The following CEP170 variants were observed in gnomAD, a reference collection of about 807,000 sequenced individuals.
CEP170 encodes centrosomal protein of 170 kDa.
CEP170 carries 21 observed loss-of-function variants against 151.9 expected under a neutral mutation model. That is an observed-to-expected ratio of 0.14 (90% CI 0.10 to 0.20). CEP170 has a LOEUF of 0.20. Among genes scored for constraint, CEP170 ranks in the 10% least tolerant of loss-of-function variants. CEP170 has a pLI of 1.00. For synonymous variants in CEP170, 356 were observed against 648.8 expected, an observed-to-expected ratio of 0.55 and a Z score of 6.86; for missense variants, 964 against 1,892.9, an observed-to-expected ratio of 0.51 and a Z score of 9.11.
At chr1:243,153,299 A>T (rs1016694622) in intron 14 of CEP170, among the ~76,000 whole-genome samples, 1 of 152,202 alleles carries the variant, frequency 6.6e-6, no homozygotes, top group Non-Finnish European at 1.5e-5. Flanking sequence ...AGATGACAAC[A>T]AAGGATTCAG....
At chr1:243,191,794 C>G (rs1464799942) in intron 7 of CEP170, among the ~76,000 whole-genome samples, 1 of 152,012 alleles carries the variant, frequency 6.6e-6, no homozygotes, top group African/African-American at 2.4e-5. Context: ...CAACCTGGAT[C>G]TAGAATTCAT....
intron 4 of CEP170, among the ~76,000 whole-genome samples, chr1:243,208,895 A>G (rs2061590821): frequency 6.6e-6 from 1 of 151,870 alleles, no homozygotes; most frequent in Non-Finnish European, 1.5e-5. Flanking sequence ...TATGCCTGGC[A>G]CATAGGAGAC....
At chr1:243,193,653 A>C (rs1319776383) in intron 7 of CEP170, among the ~76,000 whole-genome samples, 1 of 152,074 alleles carries the variant, frequency 6.6e-6, no homozygotes, top group Non-Finnish European at 1.5e-5. Flanking sequence ...CAAGTTAATA[A>C]CTAATTCATC....
rs774088718 is a variant in CEP170, at chr1:243,156,437, C to T, written c.3695G>A (p.Arg1232His). The change falls in exon 14 of 20, where the codon CGC (arginine) becomes CAC (histidine). Residue 1232 changes from arginine to histidine, a missense_variant. Transcript: ENST00000366542. Reference sequence around the variant, plus strand: ...GGTGGAAGCATAATCAGTAGGAAAGCGCCTCCATCTTGAATTTACTAAATT... The same window carrying T: ...GGTGGAAGCATAATCAGTAGGAAAGTGCCTCCATCTTGAATTTACTAAATT... ...GSASVNSRWR[R>H]FPTDYASTSE... 1.7e-5 allele frequency: 26 copies of T among 1,544,872 alleles called. No homozygotes were observed. Among genetic ancestry groups the T allele is most frequent in the African/African-American group, 2.8e-5 (2 of 72,344 alleles).
chr1:243,194,287 G>A (rs534802875), intron 7 of CEP170, among the ~76,000 whole-genome samples: 1 of 151,796 alleles, frequency 6.6e-6, no homozygotes, highest in Admixed American at 6.6e-5. Context: ...AGTCTCCTGA[G>A]GACATTACTG....
At chr1:243,225,943 A>G (rs1004453388) in intron 1 of CEP170, among the ~76,000 whole-genome samples, 3 of 150,288 alleles carry the variant, frequency 2.0e-5, no homozygotes, top group Non-Finnish European at 4.4e-5. Flanking sequence ...AACTCCAAAG[A>G]GCATTTGTTT....
chr1:243,246,745 C>T (rs2065442088), intron 1 of CEP170, among the ~76,000 whole-genome samples: 1 of 151,986 alleles, frequency 6.6e-6, no homozygotes, highest in African/African-American at 2.4e-5. Flanking sequence ...GGTAGAAAAT[C>T]TTGTTTTCTA....
chr1:243,173,544 T>A (rs1447133483), intron 10 of CEP170, among the ~76,000 whole-genome samples: 1 of 151,602 alleles, frequency 6.6e-6, no homozygotes, highest in Non-Finnish European at 1.5e-5. Flanking sequence ...CGGACCAGCC[T>A]GGCCAACATG....
chr1:243,233,182 G>A (rs2063912987), intron 1 of CEP170, among the ~76,000 whole-genome samples: 1 of 152,162 alleles, frequency 6.6e-6, no homozygotes, highest in South Asian at 2.1e-4. Context: ...GGTGTCAGAT[G>A]GATGTGAACA....
intron 8 of CEP170, among the ~76,000 whole-genome samples, chr1:243,188,617 C>T (rs1417224024): frequency 6.6e-6 from 1 of 152,124 alleles, no homozygotes; most frequent in Non-Finnish European, 1.5e-5. Flanking sequence ...TGTAACAAGT[C>T]AGTGGTGTGG....
At chr1:243,241,343 A>T (rs1305436869) in intron 1 of CEP170, among the ~76,000 whole-genome samples, 1 of 152,260 alleles carries the variant, frequency 6.6e-6, no homozygotes, top group African/African-American at 2.4e-5. Context: ...TGTTAACGAC[A>T]TCCCTTTCTT....
At chr1:243,205,837 G>T (rs907416654) in intron 4 of CEP170, among the ~76,000 whole-genome samples, 4 of 151,664 alleles carry the variant, frequency 2.6e-5, no homozygotes, top group Non-Finnish European at 4.4e-5. Flanking sequence ...ATAAATAATG[G>T]AGATTTTTTC....
intron 14 of CEP170, among the ~76,000 whole-genome samples, chr1:243,143,503 GT>G (rs1051115800): frequency 1.3e-5 from 2 of 152,056 alleles, no homozygotes; most frequent in Admixed American, 6.6e-5. Context: ...TTCTTTTAGA[GT>G]TTTTTTTAAG....
At chr1:243,219,663 A>G (rs1400743537) in intron 3 of CEP170, among the ~76,000 whole-genome samples, 1 of 152,246 alleles carries the variant, frequency 6.6e-6, no homozygotes, top group Non-Finnish European at 1.5e-5. Flanking sequence ...CATACAGACT[A>G]CCACTGTTCA....
Position 243,241,788 on chromosome 1 carries a change from T to A in CEP170, c.-42+13252A>T, listed in dbSNP as rs560437709. ...CTGGACAACATAGTGAGACTCCCTC[T>A]CATTAAAAAAAAAAAAAAAGTATAC... On this transcript the variant is annotated intron_variant, in intron 1 of 19. Coordinates refer to ENST00000366542, the MANE Select transcript of CEP170 (RefSeq NM_014812.3). 2.0e-4 allele frequency among the ~76,000 whole-genome samples: 26 copies of A among 128,182 alleles called. No individual in the cohort carries two copies. The East Asian group carries it at 5.7e-3, about 28-fold the overall frequency. The allele number at this position is 128,182 out of a possible 152,430, so 84.1% of individuals were successfully genotyped here. A position where few individuals can be genotyped will look rare whatever the true frequency, so the allele number is the denominator to read the frequency against.
intron 18 of CEP170, 42 bp downstream of exon 18, chr1:243,129,318 A>C: frequency 6.9e-7 from 1 of 1,443,240 alleles, no homozygotes; most frequent in Admixed American, 2.5e-5. Flanking sequence ...TTAAAATAAA[A>C]CTCTATTAAA....
At chr1:243,136,467 G>C (rs1287540844) in intron 16 of CEP170, among the ~76,000 whole-genome samples, 1 of 152,080 alleles carries the variant, frequency 6.6e-6, no homozygotes, top group Non-Finnish European at 1.5e-5. Context: ...GTATTATTTT[G>C]GTCATATCAG....
In CEP170 at chr1:243,124,815, T is replaced by C. The variant is rs1327213236; in HGVS notation, c.*1634A>G. The C allele has an allele frequency of 6.6e-5, 10 of 152,630 alleles. No homozygotes were observed. The highest frequency in any genetic ancestry group is 5.9e-5 in the Non-Finnish European group (4 of 68,006). The allele number at this position is 152,630 out of a possible 1,614,324, so 9.5% of individuals were successfully genotyped here. A position where few individuals can be genotyped will look rare whatever the true frequency, so the allele number is the denominator to read the frequency against. On this transcript the variant is annotated 3_prime_UTR_variant, in exon 20 of 20. Transcript: ENST00000366542. Reference sequence around the variant, plus strand: ...TCCATTTATGTTCTTTAAAACCTTTTTTCAGTCTTCCTTTATTAGACAGAA... The same window carrying C: ...TCCATTTATGTTCTTTAAAACCTTTCTTCAGTCTTCCTTTATTAGACAGAA...
At chr1:243,172,963 T>C in intron 10 of CEP170, 117 bp from the exon 11 acceptor site, 1 of 1,212,210 alleles carries the variant, frequency 8.2e-7, no homozygotes, top group Non-Finnish European at 1.1e-6. Flanking sequence ...ATTTTAATAG[T>C]TAATTTCAAA....
Sources: gnomAD v4.1 joint callset for allele counts (sites outside exome capture counted in the v4.1 genomes callset) on GRCh38, gnomAD v4.1.1 for gene constraint, MANE v1.5 for transcripts, NCBI Gene and HGNC (gene_info 2026-07-23, HGNC 2026-07-21) for gene names.